The following MEI4 variants were observed in gnomAD, a reference collection of about 807,000 sequenced individuals.
MEI4 encodes the protein meiosis-specific protein MEI4.
Under a neutral mutation model 31.4 loss-of-function variants are expected in MEI4, and 27 were observed. That is an observed-to-expected ratio of 0.86 (90% confidence interval 0.63 to 1.19). The LOEUF (loss-of-function observed/expected upper bound fraction) is 1.19, where lower values mean the gene tolerates loss of function less well. Among genes scored for constraint, MEI4 ranks in the 50% most tolerant of loss-of-function variants. The pLI is 0.00. For synonymous variants in MEI4, 122 were observed against 145.4 expected (o/e 0.84, Z 1.16); for missense variants, 329 against 398.9 (o/e 0.82, Z 1.49).
At chr6:77,688,341 T>G (rs1418468374) in intron 1 of MEI4, among the ~76,000 whole-genome samples, 1 of 152,150 alleles carries the variant, frequency 6.6e-6, no homozygotes, top group African/African-American at 2.4e-5. Flanking sequence ...ATTTATATCC[T>G]GCAAGCCTGT....
At chr6:77,659,225 G>A (rs879690002) in intron 1 of MEI4, among the ~76,000 whole-genome samples, 25 of 152,046 alleles carry the variant, frequency 1.6e-4, no homozygotes, top group Admixed American at 5.9e-4. Context: ...CTTTTTTGTC[G>A]TGTCGGTGTC....
chr6:77,762,510 GTCTA>G (rs1167179680), intron 3 of MEI4, among the ~76,000 whole-genome samples: 2 of 152,082 alleles, frequency 1.3e-5, no homozygotes, highest in South Asian at 2.1e-4. Flanking sequence ...AAACTAAAAG[GTCTA>G]TCTAACTTAT....
At chr6:77,803,092 A>G (rs1341100703) in intron 3 of MEI4, among the ~76,000 whole-genome samples, 7 of 152,158 alleles carry the variant, frequency 4.6e-5, no homozygotes, top group Non-Finnish European at 5.9e-5. Flanking sequence ...CATTCTCCCC[A>G]TCACTTTCAG....
chr6:77,835,543 A>G (rs1770200403), intron 4 of MEI4, among the ~76,000 whole-genome samples: 1 of 152,100 alleles, frequency 6.6e-6, no homozygotes, highest in Non-Finnish European at 1.5e-5. Context: ...CAAAAACAAT[A>G]AAATGTTTCA....
intron 4 of MEI4, among the ~76,000 whole-genome samples, chr6:77,884,868 T>C (rs1276248926): frequency 1.3e-5 from 2 of 152,076 alleles, no homozygotes; most frequent in East Asian, 3.9e-4. Flanking sequence ...AATATTAGGA[T>C]TTTTTTTCTA....
chr6:77,878,243 G>A (rs1372975279), intron 4 of MEI4, among the ~76,000 whole-genome samples: 1 of 151,870 alleles, frequency 6.6e-6, no homozygotes, highest in African/African-American at 2.4e-5. Context: ...TTGATATTAA[G>A]GCCTCACTAC....
chr6:77,725,187 CCT>C (rs1766793928), intron 2 of MEI4, among the ~76,000 whole-genome samples: 1 of 86,694 alleles, frequency 1.2e-5, no homozygotes, highest in Non-Finnish European at 2.4e-5. Flanking sequence ...TTTAACTCCC[CCT>C]CTTTTTAAAA....
At chr6:77,722,802 A>AT (rs957341521) in intron 2 of MEI4, among the ~76,000 whole-genome samples, 1 of 123,314 alleles carries the variant, frequency 8.1e-6, no homozygotes, top group Non-Finnish European at 1.7e-5. Flanking sequence ...GTTTAGGCCA[A>AT]TTTTTTGGCC....
intron 4 of MEI4, among the ~76,000 whole-genome samples, chr6:77,882,574 T>G (rs192277716): frequency 3.1e-4 from 47 of 152,294 alleles, no homozygotes; most frequent in African/African-American, 1.1e-3. Context: ...TCTGACCTTC[T>G]TACCATCAGA....
intron 1 of MEI4, among the ~76,000 whole-genome samples, chr6:77,669,525 T>C (rs1768699308): frequency 6.6e-6 from 1 of 152,196 alleles, no homozygotes; most frequent in African/African-American, 2.4e-5. Flanking sequence ...TTATTATTAG[T>C]GTCCTCATGT....
At position 77,670,312 on chromosome 6, in the gene MEI4, C is replaced by T. The variant is rs560171855; in HGVS notation, c.-15+17220C>T. On this transcript the variant is annotated intron_variant, in intron 1 of 4. Coordinates refer to ENST00000684080, the MANE Select transcript of MEI4 (RefSeq NM_001322247.2). Reference sequence around the variant, plus strand: ...TTTGTAGACTCATCACTATTATTGTCACTCTTTCTGACAGTATAGTTGATT... The same window carrying T: ...TTTGTAGACTCATCACTATTATTGTTACTCTTTCTGACAGTATAGTTGATT... 3.9e-5 allele frequency among the ~76,000 whole-genome samples: 6 copies of T among 152,034 alleles called. No individual in the cohort carries two copies. In the East Asian group the frequency reaches 1.2e-3, roughly 30 times the overall value.
intron 4 of MEI4, among the ~76,000 whole-genome samples, chr6:77,874,741 T>C (rs1438812836): frequency 6.6e-6 from 1 of 152,086 alleles, no homozygotes; most frequent in Non-Finnish European, 1.5e-5. Context: ...TGGCTGTGGG[T>C]TTGTCATAGA....
intron 2 of MEI4, among the ~76,000 whole-genome samples, chr6:77,708,584 T>A (rs1015388947): frequency 1.3e-5 from 2 of 152,230 alleles, no homozygotes; most frequent in Non-Finnish European, 2.9e-5. Context: ...TTTGGATATT[T>A]GTTCCCTTCA....
chr6:77,709,825 T>G (rs958173841), intron 2 of MEI4, among the ~76,000 whole-genome samples: 9 of 152,224 alleles, frequency 5.9e-5, no homozygotes, highest in South Asian at 2.1e-4. Flanking sequence ...TTTTAATAAC[T>G]CCAAAGTTAC....
intron 3 of MEI4, among the ~76,000 whole-genome samples, chr6:77,821,345 A>C (rs1769818867): frequency 6.6e-6 from 1 of 152,200 alleles, no homozygotes; most frequent in African/African-American, 2.4e-5. Context: ...AGAATTCTGA[A>C]AAACTGAACT....
intron 4 of MEI4, among the ~76,000 whole-genome samples, chr6:77,830,628 T>C (rs1269734056): frequency 6.6e-6 from 1 of 152,076 alleles, no homozygotes; most frequent in East Asian, 1.9e-4. Context: ...TTTGCTTGTA[T>C]TTTGCTAAGG....
intron 3 of MEI4, among the ~76,000 whole-genome samples, chr6:77,797,421 G>A (rs1227660247): frequency 1.3e-5 from 2 of 152,072 alleles, no homozygotes; most frequent in Admixed American, 1.3e-4. Flanking sequence ...GAATAAACTT[G>A]CAAATTTATT....
chr6:77,896,785 G>A (rs1220836467), intron 4 of MEI4, among the ~76,000 whole-genome samples: 1 of 151,976 alleles, frequency 6.6e-6, no homozygotes, highest in Non-Finnish European at 1.5e-5. Flanking sequence ...CGTAGGTAAG[G>A]TTCTTTACAC....
intron 4 of MEI4, among the ~76,000 whole-genome samples, chr6:77,845,631 T>G (rs1770464512): frequency 6.6e-6 from 1 of 152,174 alleles, no homozygotes; most frequent in Non-Finnish European, 1.5e-5. Context: ...ATTATGTACT[T>G]CATTTTCACA....
Sources: allele counts gnomAD v4.1 joint callset (sites outside exome capture counted in the v4.1 genomes callset), GRCh38; gene constraint gnomAD v4.1.1; transcripts MANE v1.5; gene names NCBI Gene and HGNC (gene_info 2026-07-23, HGNC 2026-07-21).